The following ANO3 variants were observed in gnomAD, a reference collection of about 807,000 sequenced individuals.
ANO3 encodes the protein anoctamin-3.
In ANO3, 99 loss-of-function variants were observed where a neutral mutation model predicts 144.8. The ratio of observed to expected loss-of-function variants is 0.68; its 90% CI spans 0.58 to 0.81. ANO3 has a LOEUF of 0.81. Ranked by LOEUF, ANO3 falls within the 30% of genes least tolerant of loss-of-function variation. The pLI is 0.00. For missense variants in ANO3, 905 were observed against 1,202.2 expected (o/e 0.75, Z 3.66); for synonymous variants, 414 against 392.6 (o/e 1.05, Z -0.64).
intron 3 of ANO3, among the ~76,000 whole-genome samples, chr11:26,449,413 T>C (rs1177877908): frequency 6.6e-6 from 1 of 151,976 alleles, no homozygotes; most frequent in East Asian, 1.9e-4. Flanking sequence ...AAAGAATACT[T>C]TTAGGATTAG....
intron 1 of ANO3, among the ~76,000 whole-genome samples, chr11:26,423,313 T>G (rs200164067): frequency 0.11 from 15,296 of 142,118 alleles, 892 homozygotes; most frequent in African/African-American, 0.18. Flanking sequence ...TTTATACTTT[T>G]TTTTTTTTTT....
chr11:26,311,857 C>T (rs1354009911), intron 1 of ANO3, among the ~76,000 whole-genome samples: 1 of 151,832 alleles, frequency 6.6e-6, no homozygotes, highest in Non-Finnish European at 1.5e-5. Flanking sequence ...TTTTAAAAAA[C>T]TTTTTATTAT....
At chr11:26,643,000 A>G (rs1322575607) in intron 22 of ANO3, among the ~76,000 whole-genome samples, 182 bp from the exon 23 acceptor site, 1 of 152,212 alleles carries the variant, frequency 6.6e-6, no homozygotes, top group African/African-American at 2.4e-5. Flanking sequence ...AACATTTTCT[A>G]GCTATCTACC....
chr11:26,264,925 C>G (rs1002965535), intron 1 of ANO3, among the ~76,000 whole-genome samples: 6 of 151,620 alleles, frequency 4.0e-5, no homozygotes, highest in Admixed American at 2.6e-4. Flanking sequence ...ATAGGGGAGA[C>G]ACAATCAGCC....
At chr11:26,475,931 G>C (rs982509208) in intron 4 of ANO3, among the ~76,000 whole-genome samples, 3 of 151,886 alleles carry the variant, frequency 2.0e-5, no homozygotes, top group Non-Finnish European at 4.4e-5. Context: ...TGAATGTCAG[G>C]ATTACCTAGA....
At chr11:26,572,495 G>T (rs534346159) in intron 14 of ANO3, among the ~76,000 whole-genome samples, 1 of 152,170 alleles carries the variant, frequency 6.6e-6, no homozygotes, top group Admixed American at 6.5e-5. Context: ...GCTCCTTGCA[G>T]GTGAGGAATC....
intron 1 of ANO3, among the ~76,000 whole-genome samples, chr11:26,338,075 A>T (rs1191600991): frequency 6.6e-6 from 1 of 151,682 alleles, no homozygotes; most frequent in Non-Finnish European, 1.5e-5. Flanking sequence ...AAGTTTCAGG[A>T]CAGTAACATC....
upstream of ANO3, among the ~76,000 whole-genome samples, chr11:26,307,296 G>C (rs1036819153): frequency 1.3e-5 from 2 of 152,198 alleles, no homozygotes; most frequent in African/African-American, 4.8e-5. Flanking sequence ...GGAGGTTGCA[G>C]TAAGCTAAGA....
intron 14 of ANO3, among the ~76,000 whole-genome samples, chr11:26,584,723 TG>T (rs1363040474): frequency 6.6e-6 from 1 of 152,212 alleles, no homozygotes; most frequent in African/African-American, 2.4e-5. Flanking sequence ...TTCAACCACC[TG>T]GGCCTTGTTT....
At chr11:26,595,457 GTTGTTTTTTTT>G (rs1851583360) in intron 14 of ANO3, among the ~76,000 whole-genome samples, 3 of 67,852 alleles carry the variant, frequency 4.4e-5, no homozygotes, top group East Asian at 4.2e-4. Context: ...TTGAGATAGA[GTTGTTTTTTTT>G]TTTTTTTTTT....
intron 1 of ANO3, among the ~76,000 whole-genome samples, chr11:26,193,136 C>CT (rs34069836): frequency 0.087 from 7,191 of 82,662 alleles, 567 homozygotes; most frequent in Middle Eastern, 0.098. Context: ...TTTTGCCTAT[C>CT]TTTTTTTTTT....
chr11:26,398,406 T>TA (rs1051598848), intron 1 of ANO3, among the ~76,000 whole-genome samples: 2 of 152,052 alleles, frequency 1.3e-5, no homozygotes, highest in African/African-American at 4.8e-5. Context: ...TGGAAAGGGA[T>TA]AAAAAATGTA....
chr11:26,508,132 G>A lies in ANO3; in HGVS notation c.461G>A (p.Gly154Glu). The A allele has an allele frequency of 6.3e-7, 1 of 1,592,832 alleles. No homozygotes were observed. The highest frequency in any genetic ancestry group is 8.5e-7 in the Non-Finnish European group (1 of 1,173,072). Reference protein sequence around the residue: ...KNDMNYIASSGPLFKDGKKRI... With the variant: ...KNDMNYIASSEPLFKDGKKRI... ...GACATGAATTACATAGCATCCAGTG[G>A]ACCTCTGTTCAAAGATGGCAAAAAG... Residue 154 changes from glycine to glutamate, a missense_variant, in exon 5 of 27, where the codon GGA becomes GAA. Physicochemically the swap from Gly to Glu is moderately conservative, Grantham distance 98. Coordinates refer to ENST00000256737, the MANE Select transcript of ANO3 (RefSeq NM_031418.4).
At chr11:26,594,278 G>A (rs1851542441) in intron 14 of ANO3, among the ~76,000 whole-genome samples, 1 of 152,342 alleles carries the variant, frequency 6.6e-6, no homozygotes, top group East Asian at 1.9e-4. Context: ...CTGCTGGCCT[G>A]TGGGGAATCA....
chr11:26,218,137 T>C (rs894915629), intron 1 of ANO3, among the ~76,000 whole-genome samples: 5 of 152,138 alleles, frequency 3.3e-5, no homozygotes, highest in Non-Finnish European at 7.4e-5. Context: ...CAATATTTAA[T>C]GTATTTAATG....
At chr11:26,506,080 T>G (rs968755486) in intron 4 of ANO3, among the ~76,000 whole-genome samples, 2 of 150,390 alleles carry the variant, frequency 1.3e-5, no homozygotes, top group Non-Finnish European at 3.0e-5. Flanking sequence ...TAAAAAAAAG[T>G]GTCTGAAGTG....
intron 1 of ANO3, among the ~76,000 whole-genome samples, chr11:26,275,929 CTG>C (rs1853549078): frequency 6.6e-6 from 1 of 152,126 alleles, no homozygotes; most frequent in African/African-American, 2.4e-5. Context: ...CTTAACCTCT[CTG>C]AAGCTGTATT....
At chr11:26,355,183 C>T (rs1340625732) in intron 1 of ANO3, among the ~76,000 whole-genome samples, 1 of 152,022 alleles carries the variant, frequency 6.6e-6, no homozygotes, top group Admixed American at 6.6e-5. Context: ...AGTTTCTTTG[C>T]TCCCTGTTTT....
intron 1 of ANO3, among the ~76,000 whole-genome samples, chr11:26,225,576 T>C (rs561503204): frequency 6.5e-4 from 99 of 152,274 alleles, no homozygotes; most frequent in African/African-American, 2.2e-3. Flanking sequence ...TTTATTATTG[T>C]CTCTATTATG....
Sources: gnomAD v4.1 joint callset for allele counts (sites outside exome capture counted in the v4.1 genomes callset) on GRCh38, gnomAD v4.1.1 for gene constraint, MANE v1.5 for transcripts, NCBI Gene and HGNC (gene_info 2026-07-23, HGNC 2026-07-21) for gene names.